Variants in RNF13 observed in about 807,000 individuals in gnomAD.
The protein encoded by RNF13 is ring finger protein 13.
A neutral mutation model predicts 37.7 loss-of-function variants in RNF13; 19 were observed. The ratio of observed to expected loss-of-function variants is 0.50; its 90% confidence interval spans 0.35 to 0.74. RNF13 has a LOEUF of 0.74. Among genes scored for constraint, RNF13 ranks in the 30% least tolerant of loss-of-function variants. The probability of loss-of-function intolerance (pLI) is 0.01; values close to 1 mark genes in which losing one functional copy is unlikely to be tolerated. For missense variants in RNF13, 375 were observed against 453.0 expected (o/e 0.83, Z 1.56); for synonymous variants, 144 against 157.8 (o/e 0.91, Z 0.65).
At chr3:149,909,505 A>G (rs9863724) in intron 6 of RNF13, among the ~76,000 whole-genome samples, 147,361 of 147,372 alleles carry the variant, frequency 1, 73,676 homozygotes, top group Middle Eastern at 1. Flanking sequence ...TGGCCAGGCT[A>G]GTCTCAAACT....
chr3:149,888,684 A>G (rs894060518), intron 4 of RNF13, among the ~76,000 whole-genome samples: 1 of 152,242 alleles, frequency 6.6e-6, no homozygotes, highest in African/African-American at 2.4e-5. Flanking sequence ...CCTGTCTAAT[A>G]TAATAACTGG....
intron 3 of RNF13, among the ~76,000 whole-genome samples, chr3:149,854,102 C>G (rs921664310): frequency 1.3e-5 from 2 of 152,000 alleles, no homozygotes; most frequent in East Asian, 1.9e-4. Flanking sequence ...TCCCAAAGTA[C>G]TGGTATTTCA....
At chr3:149,932,166 A>G (rs967065807) in intron 8 of RNF13, among the ~76,000 whole-genome samples, 1 of 152,160 alleles carries the variant, frequency 6.6e-6, no homozygotes, top group African/African-American at 2.4e-5. Context: ...TATCTCTTCA[A>G]TATACTGATT....
At chr3:149,883,430 T>C (rs575009406) in intron 4 of RNF13, among the ~76,000 whole-genome samples, 5 of 152,176 alleles carry the variant, frequency 3.3e-5, no homozygotes, top group Non-Finnish European at 7.4e-5. Context: ...TGTGTGTGTA[T>C]GTGTGTGTGT....
intron 8 of RNF13, among the ~76,000 whole-genome samples, chr3:149,945,716 A>G (rs1720706814): frequency 6.6e-6 from 1 of 152,132 alleles, no homozygotes; most frequent in Non-Finnish European, 1.5e-5. Flanking sequence ...CTCTGAGATG[A>G]AGCTTCTGGA....
At chr3:149,900,674 A>G (rs554993652) in intron 5 of RNF13, among the ~76,000 whole-genome samples, 3 of 152,352 alleles carry the variant, frequency 2.0e-5, no homozygotes, top group Admixed American at 6.5e-5. Flanking sequence ...TGTAGAAAAA[A>G]AGCTTACACT....
chr3:149,863,428 G>A (rs991428208), intron 3 of RNF13, among the ~76,000 whole-genome samples: 1 of 152,124 alleles, frequency 6.6e-6, no homozygotes, highest in Non-Finnish European at 1.5e-5. Flanking sequence ...CATGCAGGCT[G>A]GAGTGCAATG....
At chr3:149,927,055 A>T (rs1178884291) in intron 8 of RNF13, among the ~76,000 whole-genome samples, 1 of 152,196 alleles carries the variant, frequency 6.6e-6, no homozygotes, top group East Asian at 1.9e-4. Flanking sequence ...AAGTATCTTC[A>T]TATTGTTATG....
At chr3:149,909,645 A>G (rs775699891) in intron 6 of RNF13, among the ~76,000 whole-genome samples, 1 of 152,068 alleles carries the variant, frequency 6.6e-6, no homozygotes. Flanking sequence ...GTAAACTAAA[A>G]TGGTATTTAG....
At chr3:149,918,650 A>G (rs1576537125) in intron 7 of RNF13, among the ~76,000 whole-genome samples, 2 of 151,328 alleles carry the variant, frequency 1.3e-5, no homozygotes, top group African/African-American at 2.4e-5. Context: ...CAGCCTCCCA[A>G]GTAGCTGGGA....
rs192367977 is a variant in RNF13, at chr3:149,893,192, G to A, written c.322-2281G>A. Among the ~76,000 whole-genome samples, 177 of 152,266 alleles carry A rather than the reference G, an allele frequency of 1.2e-3. 1 individual carries two copies. Among genetic ancestry groups the A allele is most frequent in the Non-Finnish European group, 2.1e-3 (144 of 68,010 alleles). On this transcript the variant is annotated intron_variant, in intron 4 of 9. Transcript: ENST00000392894. ...CTCAGCAAACTACTTGCTGAATTCA[G>A]CCACAGTTTTTACTCGTTGTGCTTT...
intron 9 of RNF13, 74 bp downstream of exon 9, chr3:149,960,210 G>A: frequency 9.6e-7 from 1 of 1,040,028 alleles, no homozygotes; most frequent in Non-Finnish European, 1.5e-6. Flanking sequence ...CAGGGGAAGA[G>A]ATGGAAAATA....
chr3:149,860,268 A>ATATATAT (rs1331068088), intron 3 of RNF13, among the ~76,000 whole-genome samples: 1 of 91,694 alleles, frequency 1.1e-5, no homozygotes, highest in African/African-American at 4.0e-5. Flanking sequence ...AAAAAAAAAA[A>ATATATAT]AAATATATAT....
At chr3:149,903,957 GTCTGTCTGTCTGTCTA>G (rs1233875993) in intron 6 of RNF13, among the ~76,000 whole-genome samples, 6 of 151,852 alleles carry the variant, frequency 4.0e-5, no homozygotes, top group African/African-American at 1.5e-4. Context: ...CTGTCTGTCT[GTCTGTCTGTCTGTCTA>G]TCTATCTACC....
chr3:149,895,672 T>C, intron 5 of RNF13, 112 bp downstream of exon 5: 2 of 600,080 alleles, frequency 3.3e-6, no homozygotes, highest in Non-Finnish European at 5.9e-6. Flanking sequence ...ATTTCTTCTC[T>C]ATCAGATAAT....
intron 4 of RNF13, chr3:149,894,046 C>T (rs2108488879): frequency 6.6e-6 from 1 of 152,236 alleles, no homozygotes; most frequent in South Asian, 2.1e-4. Context: ...TTAATTGATT[C>T]AAGTAATATT....
chr3:149,872,348 T>C (rs896631408), intron 4 of RNF13, among the ~76,000 whole-genome samples, 194 bp downstream of exon 4: 2 of 152,206 alleles, frequency 1.3e-5, no homozygotes, highest in Non-Finnish European at 2.9e-5. Flanking sequence ...CATCTTGAAC[T>C]GTGGTTTAAC....
At chr3:149,869,479 G>A (rs983855252) in intron 3 of RNF13, among the ~76,000 whole-genome samples, 21 of 151,102 alleles carry the variant, frequency 1.4e-4, no homozygotes, top group East Asian at 1.4e-3. Flanking sequence ...AGTGGCGGGC[G>A]CCTGTAGTCC....
At chr3:149,868,058 T>C (rs574143764) in intron 3 of RNF13, among the ~76,000 whole-genome samples, 1 of 152,090 alleles carries the variant, frequency 6.6e-6, no homozygotes, top group South Asian at 2.1e-4. Context: ...AAAAAAATCT[T>C]CTACACTTTA....
Sources: allele counts gnomAD v4.1 joint callset (sites outside exome capture counted in the v4.1 genomes callset), GRCh38; gene constraint gnomAD v4.1.1; transcripts MANE v1.5; gene names NCBI Gene and HGNC (gene_info 2026-07-23, HGNC 2026-07-21).